LRMDA: variants seen among roughly 807,000 people sequenced by gnomAD.
LRMDA encodes leucine rich melanocyte differentiation associated.
In LRMDA, 18 loss-of-function variants were observed where a neutral mutation model predicts 29.8. That is an observed-to-expected ratio of 0.60 (90% CI 0.42 to 0.90). The LOEUF (loss-of-function observed/expected upper bound fraction) is 0.90. Ranked by LOEUF, LRMDA falls within the 40% of genes least tolerant of loss-of-function variation. The pLI is 0.00. For missense variants in LRMDA, 273 were observed against 273.9 expected (o/e 1.00, Z 0.02); for synonymous variants, 125 against 109.4 (o/e 1.14, Z -0.89).
chr10:76,021,449 C>G (rs1243635112), intron 2 of LRMDA, among the ~76,000 whole-genome samples: 1 of 152,220 alleles, frequency 6.6e-6, no homozygotes, highest in Non-Finnish European at 1.5e-5. Flanking sequence ...TTGTCAAAAG[C>G]ATCAGGCTCA....
chr10:76,146,205 G>A (rs986258893), intron 5 of LRMDA, among the ~76,000 whole-genome samples: 12 of 152,042 alleles, frequency 7.9e-5, no homozygotes, highest in African/African-American at 2.9e-4. Flanking sequence ...TTTCTATTAG[G>A]TCCACTTGGT....
Position 76,477,000 on chromosome 10 carries a change from A to G in LRMDA, c.602-80209A>G, listed in dbSNP as rs1842680890. 2.0e-5 allele frequency among the ~76,000 whole-genome samples: 3 copies of G among 152,152 alleles called. No homozygotes were observed. In the South Asian group the frequency reaches 6.2e-4, roughly 32 times the overall value. On this transcript the variant is annotated intron_variant, in intron 6 of 6. Transcript: ENST00000611255. ...CTTTGAAAATGGGCACAAGACAGGG[A>G]TGCCCTCTCTCACCACTCCTATTCA...
chr10:75,854,724 C>G (rs7085218), intron 2 of LRMDA, among the ~76,000 whole-genome samples: 1,551 of 152,034 alleles, frequency 0.01, 26 homozygotes, highest in African/African-American at 0.035. Context: ...CCCACTCCCC[C>G]CACCCCACAA....
At chr10:75,946,331 C>T (rs771698156) in intron 2 of LRMDA, among the ~76,000 whole-genome samples, 3 of 152,188 alleles carry the variant, frequency 2.0e-5, no homozygotes, top group Non-Finnish European at 2.9e-5. Context: ...AGCACTGTCA[C>T]GCTAGATAAC....
intron 6 of LRMDA, among the ~76,000 whole-genome samples, chr10:76,473,406 C>T (rs115059499): frequency 1.4e-3 from 215 of 151,592 alleles, no homozygotes; most frequent in African/African-American, 4.8e-3. Context: ...TGGTTACCAT[C>T]GTACTTAATG....
At chr10:76,237,581 A>C (rs564893236) in intron 5 of LRMDA, among the ~76,000 whole-genome samples, 1 of 152,192 alleles carries the variant, frequency 6.6e-6, no homozygotes, top group African/African-American at 2.4e-5. Flanking sequence ...GGAATGTTGA[A>C]CCTTTCTTTG....
intron 2 of LRMDA, among the ~76,000 whole-genome samples, chr10:75,557,870 G>A (rs1840234551): frequency 1.3e-5 from 2 of 152,124 alleles, no homozygotes; most frequent in South Asian, 4.1e-4. Context: ...GTCCTCAAGA[G>A]GTTTCAAGGA....
intron 2 of LRMDA, among the ~76,000 whole-genome samples, chr10:76,013,762 T>C (rs1220261837): frequency 1.3e-5 from 2 of 151,990 alleles, no homozygotes; most frequent in African/African-American, 4.8e-5. Context: ...CACCACCCTA[T>C]TTTCTTTCCT....
intron 2 of LRMDA, among the ~76,000 whole-genome samples, chr10:75,458,798 G>A (rs558163925): frequency 3.0e-4 from 45 of 152,164 alleles, no homozygotes; most frequent in African/African-American, 4.3e-4. Context: ...TTCCTGCCTT[G>A]GGCTTGAGAA....
intron 2 of LRMDA, among the ~76,000 whole-genome samples, chr10:75,555,850 T>C (rs778822233): frequency 6.6e-6 from 1 of 152,198 alleles, no homozygotes; most frequent in Non-Finnish European, 1.5e-5. Flanking sequence ...TTGCTCATCA[T>C]ATAGGGAAAG....
At chr10:76,475,288 A>G (rs1009413740) in intron 6 of LRMDA, among the ~76,000 whole-genome samples, 4 of 151,904 alleles carry the variant, frequency 2.6e-5, no homozygotes, top group African/African-American at 9.6e-5. Context: ...GAATATGCAT[A>G]AAGTTTTGAA....
chr10:75,578,418 CT>C (rs1363642105), intron 2 of LRMDA, among the ~76,000 whole-genome samples: 1 of 151,726 alleles, frequency 6.6e-6, no homozygotes, highest in Non-Finnish European at 1.5e-5. Flanking sequence ...TCTTAGAGAC[CT>C]ACAAAGAGAC....
intron 5 of LRMDA, among the ~76,000 whole-genome samples, chr10:76,261,395 A>G (rs1486269974): frequency 6.6e-6 from 1 of 151,998 alleles, no homozygotes; most frequent in African/African-American, 2.4e-5. Flanking sequence ...ATCTAAGCTA[A>G]TCACCTGGGT....
intron 2 of LRMDA, among the ~76,000 whole-genome samples, chr10:75,945,779 T>C (rs571381943): frequency 8.5e-5 from 13 of 152,216 alleles, no homozygotes; most frequent in African/African-American, 2.6e-4. Flanking sequence ...ACACCTTGTG[T>C]AGGGAAAAAA....
intron 2 of LRMDA, among the ~76,000 whole-genome samples, chr10:75,654,483 T>C (rs564434244): frequency 5.1e-4 from 77 of 152,342 alleles, no homozygotes; most frequent in African/African-American, 1.8e-3. Flanking sequence ...AGCTTTCAAC[T>C]CTATAATTGG....
intron 5 of LRMDA, among the ~76,000 whole-genome samples, chr10:76,164,028 C>T (rs1240108252): frequency 6.6e-6 from 1 of 152,142 alleles, no homozygotes; most frequent in African/African-American, 2.4e-5. Context: ...TGAAACACTT[C>T]CTTAAACAAC....
rs1168213479 is a variant in LRMDA at position 76,283,565 on chromosome 10, TATAATAATAAC to T, written c.517-40822_517-40812del. 5.9e-5 allele frequency among the ~76,000 whole-genome samples: 9 copies of T among 152,262 alleles called. No individual in the cohort carries two copies. The East Asian group carries it at 1.4e-3, about 23-fold the overall frequency. On this transcript the variant is annotated intron_variant, in intron 5 of 6. Coordinates refer to ENST00000611255, the MANE Select transcript of LRMDA (RefSeq NM_001305581.2). The stretch of plus-strand genomic sequence containing the variant: ...GCTGGGTGGCCAGTGATTGAATAAT[TATAATAATAAC>T]ATAATAATAACATCGATTGAATGCT...
intron 2 of LRMDA, among the ~76,000 whole-genome samples, chr10:75,574,589 C>T (rs1276231966): frequency 5.9e-5 from 9 of 152,212 alleles, no homozygotes. Context: ...TTTCTTCTCA[C>T]TCCTTTTCTG....
At chr10:75,938,721 C>A (rs986726899) in intron 2 of LRMDA, among the ~76,000 whole-genome samples, 4 of 152,132 alleles carry the variant, frequency 2.6e-5, no homozygotes, top group Admixed American at 2.0e-4. Flanking sequence ...AGTGTAGTAT[C>A]TGTTATAGTG....
Sources: gnomAD v4.1 joint callset for allele counts (sites outside exome capture counted in the v4.1 genomes callset) on GRCh38, gnomAD v4.1.1 for gene constraint, MANE v1.5 for transcripts, NCBI Gene and HGNC (gene_info 2026-07-23, HGNC 2026-07-21) for gene names.